The following GALNT13 variants were observed in gnomAD, a reference collection of about 807,000 sequenced individuals.
The protein encoded by GALNT13 is UDP-GalNAc:polypeptide N-acetylgalactosaminyltransferase 13.
GALNT13 carries 28 observed loss-of-function variants against 64.2 expected under a neutral mutation model. The ratio of observed to expected loss-of-function variants is 0.44; its 90% CI spans 0.32 to 0.60. The LOEUF (loss-of-function observed/expected upper bound fraction) is 0.60, where lower values mean the gene tolerates loss of function less well. Among genes scored for constraint, GALNT13 ranks in the 20% least tolerant of loss-of-function variants. GALNT13 has a pLI of 0.05. For missense variants in GALNT13, 577 were observed against 669.8 expected (o/e 0.86, Z 1.53); for synonymous variants, 214 against 224.6 (o/e 0.95, Z 0.42).
chr2:154,212,251 ATT>A (rs112383743), intron 4 of GALNT13, among the ~76,000 whole-genome samples: 1 of 146,920 alleles, frequency 6.8e-6, no homozygotes, highest in African/African-American at 2.5e-5. Flanking sequence ...TCAATCAGGC[ATT>A]TTTTTTTTTG....
At chr2:154,431,724 C>G (rs1238362568) in intron 11 of GALNT13, among the ~76,000 whole-genome samples, 1 of 152,170 alleles carries the variant, frequency 6.6e-6, no homozygotes, top group Non-Finnish European at 1.5e-5. Context: ...TGAGAGGGAC[C>G]TGGTGGGAGA....
the GALNT13 span, among the ~76,000 whole-genome samples, chr2:153,734,024 T>C: frequency 6.6e-6 from 1 of 152,252 alleles, no homozygotes; most frequent in South Asian, 2.1e-4. Context: ...GAAACATTGG[T>C]ACAGTTCAGG....
At chr2:153,989,446 C>G (rs568991945) in intron 3 of GALNT13, among the ~76,000 whole-genome samples, 1 of 151,874 alleles carries the variant, frequency 6.6e-6, no homozygotes, top group Admixed American at 6.6e-5. Context: ...GGTCTAAATA[C>G]GTTGATAAAA....
At chr2:153,681,927 G>A in the GALNT13 span, among the ~76,000 whole-genome samples, 16 of 151,708 alleles carry the variant, frequency 1.1e-4, no homozygotes, top group South Asian at 1.0e-3. Context: ...ACTCAGTTTC[G>A]GGAGATTATT....
the GALNT13 span, among the ~76,000 whole-genome samples, chr2:153,200,601 A>T: frequency 6.6e-6 from 1 of 152,170 alleles, no homozygotes; most frequent in African/African-American, 2.4e-5. Flanking sequence ...AATCTATCTC[A>T]TTGCCTAAAA....
At chr2:154,073,792 T>A (rs1208835599) in intron 3 of GALNT13, among the ~76,000 whole-genome samples, 1 of 151,858 alleles carries the variant, frequency 6.6e-6, no homozygotes, top group Non-Finnish European at 1.5e-5. Context: ...GCAGGATATC[T>A]CAATTATCTG....
chr2:153,264,818 G>A, the GALNT13 span, among the ~76,000 whole-genome samples: 1 of 152,168 alleles, frequency 6.6e-6, no homozygotes, highest in African/African-American at 2.4e-5. Context: ...AGAGCATCAG[G>A]AAAAACAGCT....
chr2:154,172,018 G>A (rs934532510), intron 4 of GALNT13, among the ~76,000 whole-genome samples: 5 of 150,388 alleles, frequency 3.3e-5, no homozygotes, highest in African/African-American at 1.2e-4. Flanking sequence ...TGCTAAGCCA[G>A]TAATAAATTT....
At chr2:153,412,096 C>T in the GALNT13 span, among the ~76,000 whole-genome samples, 3 of 152,188 alleles carry the variant, frequency 2.0e-5, no homozygotes, top group Non-Finnish European at 4.4e-5. Flanking sequence ...GAACATCCAA[C>T]GGTCTCCAAG....
the GALNT13 span, among the ~76,000 whole-genome samples, chr2:153,807,657 A>G: frequency 6.6e-6 from 1 of 152,064 alleles, no homozygotes; most frequent in Admixed American, 6.6e-5. Context: ...TTATCCTCAA[A>G]GTTTAGTGTT....
chr2:153,647,596 T>C, the GALNT13 span, among the ~76,000 whole-genome samples: 1 of 152,216 alleles, frequency 6.6e-6, no homozygotes, highest in Non-Finnish European at 1.5e-5. Flanking sequence ...TTTATGGTTT[T>C]AGGTCTAACA....
chr2:153,115,740 A>G, the GALNT13 span, among the ~76,000 whole-genome samples: 3 of 152,096 alleles, frequency 2.0e-5, no homozygotes, highest in Non-Finnish European at 2.9e-5. Flanking sequence ...TTTGTATATA[A>G]TTATTAATAT....
At chr2:153,971,818 C>T (rs1693761902) in intron 3 of GALNT13, among the ~76,000 whole-genome samples, 4 of 151,298 alleles carry the variant, frequency 2.6e-5, no homozygotes. Flanking sequence ...GAATAGTGTC[C>T]CAGAAAAAAA....
chr2:153,943,815 T>C (rs1018101991), intron 2 of GALNT13, among the ~76,000 whole-genome samples: 1 of 152,186 alleles, frequency 6.6e-6, no homozygotes, highest in African/African-American at 2.4e-5. Flanking sequence ...TTTTATTAAT[T>C]ATCTGTTCTG....
At position 153,964,320 on chromosome 2, in the gene GALNT13, G is replaced by A. The variant is rs142268466; in HGVS notation, c.142+19681G>A. On this transcript the variant is annotated intron_variant, in intron 3 of 12. Coordinates refer to ENST00000392825, the MANE Select transcript of GALNT13 (RefSeq NM_052917.4). Reference sequence around the variant, plus strand: ...AAAAATTAGCTAGCCATGGTGGTGCGTGCCTGTAATCCCAGATACTTGGGA... The same window carrying A: ...AAAAATTAGCTAGCCATGGTGGTGCATGCCTGTAATCCCAGATACTTGGGA... Among the ~76,000 whole-genome samples the A allele has an allele frequency of 2.1e-3, 317 of 152,176 alleles. 1 individual carries two copies. The highest frequency in any genetic ancestry group is 7.5e-3 in the African/African-American group (313 of 41,530).
the GALNT13 span, among the ~76,000 whole-genome samples, chr2:153,096,781 C>T: frequency 1.3e-5 from 2 of 151,990 alleles, no homozygotes; most frequent in Non-Finnish European, 2.9e-5. Context: ...TTTATTATAG[C>T]CAACAGATTA....
At chr2:153,719,501 C>G in the GALNT13 span, among the ~76,000 whole-genome samples, 1 of 152,298 alleles carries the variant, frequency 6.6e-6, no homozygotes, top group South Asian at 2.1e-4. Context: ...CAGCTCCCAG[C>G]TTGAGCGACG....
At chr2:153,747,157 G>A in the GALNT13 span, among the ~76,000 whole-genome samples, 1 of 151,968 alleles carries the variant, frequency 6.6e-6, no homozygotes, top group Non-Finnish European at 1.5e-5. Context: ...AAATAATCAC[G>A]TCATGGAGAA....
At chr2:153,115,789 T>TA in the GALNT13 span, among the ~76,000 whole-genome samples, 1 of 152,154 alleles carries the variant, frequency 6.6e-6, no homozygotes, top group Non-Finnish European at 1.5e-5. Context: ...AAGTAGTTGG[T>TA]AAAAAAATCT....
Sources: gnomAD v4.1 joint callset for allele counts (sites outside exome capture counted in the v4.1 genomes callset) on GRCh38, gnomAD v4.1.1 for gene constraint, MANE v1.5 for transcripts, NCBI Gene and HGNC (gene_info 2026-07-23, HGNC 2026-07-21) for gene names.